TSBP1: variants seen among roughly 807,000 people sequenced by gnomAD.
The protein encoded by TSBP1 is testis-expressed basic protein 1.
Under a neutral mutation model 68.8 loss-of-function variants are expected in TSBP1, and 56 were observed. The observed-to-expected ratio is 0.81, with a 90% CI of 0.66 to 1.02. The LOEUF is 1.02. TSBP1 is among the 50% of genes least tolerant of loss of function. The pLI is 0.00. For synonymous variants in TSBP1, 171 were observed against 208.7 expected (o/e 0.82, Z 1.56); for missense variants, 502 against 641.2 (o/e 0.78, Z 2.34).
exon 23 of TSBP1, chr6:32,293,885 A>G (rs745928315): frequency 1.2e-6 from 2 of 1,612,934 alleles, no homozygotes. Context: ...CAAGGATTCT[A>G]CAGAATTCGT....
intron 20 of TSBP1, 107 bp from the exon 24 acceptor site, chr6:32,300,807 C>A: frequency 2.2e-6 from 2 of 908,264 alleles, no homozygotes; most frequent in Non-Finnish European, 3.6e-6. Context: ...AACTAAATTT[C>A]ATTTATTTAA....
intron 1 of TSBP1, among the ~76,000 whole-genome samples, chr6:32,370,855 A>AAC (rs138019081): frequency 0.34 from 50,635 of 150,152 alleles, 9,548 homozygotes; most frequent in Middle Eastern, 0.52. Flanking sequence ...AAAAAAAGAA[A>AAC]AGAGAGAGAG....
At chr6:32,322,596 G>T in intron 18 of TSBP1, 90 bp from the exon 20 acceptor site, 1 of 932,472 alleles carries the variant, frequency 1.1e-6, no homozygotes. Context: ...AGTCTGTGAG[G>T]GGAGGACTTG....
chr6:32,328,790 A>C (rs1768577830), intron 16 of TSBP1, among the ~76,000 whole-genome samples: 2 of 151,982 alleles, frequency 1.3e-5, no homozygotes, highest in Non-Finnish European at 2.9e-5. Context: ...TGACCTCGTG[A>C]TCCACCTGCC....
chr6:32,335,984 T>C lies in TSBP1; in HGVS notation c.431-52A>G, dbSNP rs1769621294. ...AAAAGATATCAGTATGCTTCACCAC[T>C]GTGAAGGAAATTTCCATTTCCCAAC... On this transcript the variant is annotated intron_variant, in intron 12 of 22. Coordinates refer to ENST00000612031, the Ensembl canonical transcript of TSBP1. This position sits in a 1 kb window ranked among gnomAD's most constrained non-coding sequence, Gnocchi z 5.5. The C allele has an allele frequency of 1.3e-6, 2 of 1,488,446 alleles. No individual in the cohort carries two copies. Among genetic ancestry groups the C allele is most frequent in the Non-Finnish European group, 1.9e-6 (2 of 1,073,718 alleles). 92.2% of individuals were successfully genotyped at this position (1,488,446 alleles called of 1,614,324 possible). A position where few individuals can be genotyped will look rare whatever the true frequency, so the allele number is the denominator to read the frequency against.
At position 32,300,716 on chromosome 6, in the gene TSBP1, G is replaced by C; in HGVS notation, c.602-16C>G. ...GAACTGTCCACTGAAAGAGATAAAGGCAAACACATCAGTAGGTACTGGGCA... is the reference window on the plus strand; with the variant it reads ...GAACTGTCCACTGAAAGAGATAAAGCCAAACACATCAGTAGGTACTGGGCA... On this transcript the variant is annotated splice_polypyrimidine_tract_variant and intron_variant, in intron 20 of 22. Coordinates refer to ENST00000612031, the Ensembl canonical transcript of TSBP1. 1 of 1,611,080 alleles carries C rather than the reference G, an allele frequency of 6.2e-7. No individual in the cohort carries two copies. Among genetic ancestry groups the C allele is most frequent in the Non-Finnish European group, 8.5e-7 (1 of 1,178,280 alleles).
rs1769569567 is a variant in TSBP1, at chr6:32,335,696, G to C, written c.451+216C>G. On this transcript the variant is annotated intron_variant, in intron 13 of 22. Transcript: ENST00000612031. The surrounding 1 kb of genome is among the most constrained non-coding windows in gnomAD (Gnocchi z 5.5). ...TGAGAAGCCATTGGAAATCTGCAAG[G>C]GTTCATTCTCCACTTTGTAGTTTGT... is the stretch of plus-strand genomic sequence containing the variant. Among the ~76,000 whole-genome samples the C allele has an allele frequency of 6.6e-6, 1 of 152,028 alleles. No homozygotes were observed. The highest frequency in any genetic ancestry group is 2.4e-5 in the African/African-American group (1 of 41,376).
rs6902224 is a variant in TSBP1, at chr6:32,343,436, A to C, written c.350-3798T>G. ...ATCCCATGTCTTTTCCCCCTTAGAC[A>C]CTATGCAGGAGTGAAAGTTTCAGGG... On this transcript the variant is annotated intron_variant, in intron 9 of 22. Coordinates refer to ENST00000612031, the Ensembl canonical transcript of TSBP1. This position sits in a 1 kb window ranked among gnomAD's most constrained non-coding sequence, Gnocchi z 4.3. Among the ~76,000 whole-genome samples the C allele has an allele frequency of 6.6e-6, 1 of 152,144 alleles. No individual in the cohort carries two copies.
chr6:32,301,101 TCACTGC>T (rs912658997), intron 20 of TSBP1, among the ~76,000 whole-genome samples: 2 of 152,112 alleles, frequency 1.3e-5, no homozygotes, highest in Non-Finnish European at 2.9e-5. Context: ...TGAACATGGC[TCACTGC>T]AGCTTCCACT....
rs1298249652 is a variant in TSBP1, at chr6:32,304,151, A to G, written c.581-1522T>C. On this transcript the variant is annotated intron_variant, in intron 19 of 22. Coordinates refer to ENST00000612031, the Ensembl canonical transcript of TSBP1. This position sits in a 1 kb window ranked among gnomAD's most constrained non-coding sequence, Gnocchi z 4.8. The stretch of plus-strand genomic sequence containing the variant: ...TAAAAGACAAAGACAGGAAGAAGAA[A>G]GAAAGAAAGGAAGGAAGAAGAAAGA... 2.6e-5 allele frequency among the ~76,000 whole-genome samples: 4 copies of G among 152,070 alleles called. No homozygotes were observed. Among genetic ancestry groups the G allele is most frequent in the Non-Finnish European group, 5.9e-5 (4 of 68,034 alleles).
At position 32,343,236 on chromosome 6, in the gene TSBP1, A is replaced by G; in HGVS notation, c.350-3598T>C. The G allele has an allele frequency of 7.1e-7, 1 of 1,405,872 alleles. No individual in the cohort carries two copies. The highest frequency in any genetic ancestry group is 9.3e-7 in the Non-Finnish European group (1 of 1,072,186). 87.1% of individuals were successfully genotyped at this position (1,405,872 alleles called of 1,614,324 possible). ...GAGTTTGAAACAAGAAGATAAACTT[A>G]CTCATGGATCCTTGAGGTAAAGCTA... is the stretch of plus-strand genomic sequence containing the variant. On this transcript the variant is annotated intron_variant, in intron 9 of 22. Coordinates refer to ENST00000612031, the Ensembl canonical transcript of TSBP1. This position sits in a 1 kb window ranked among gnomAD's most constrained non-coding sequence, Gnocchi z 4.3.
intron 20 of TSBP1, among the ~76,000 whole-genome samples, chr6:32,301,965 C>CATA (rs1222529623): frequency 1.3e-4 from 18 of 136,226 alleles, no homozygotes; most frequent in African/African-American, 4.7e-4. Flanking sequence ...TTGAAATCAT[C>CATA]ATCATAATAA....
At position 32,325,833 on chromosome 6, in the gene TSBP1, T is replaced by G; in HGVS notation, c.515-2219A>C. ...GTTCTGGAAACTTAGGTGGTGGTCATGGAGGTGGTTTCGGTGGGAATGACA... is the reference window on the plus strand; with the variant it reads ...GTTCTGGAAACTTAGGTGGTGGTCAGGGAGGTGGTTTCGGTGGGAATGACA... On this transcript the variant is annotated intron_variant, in intron 16 of 22. Transcript: ENST00000612031. The surrounding 1 kb of genome is among the most constrained non-coding windows in gnomAD (Gnocchi z 4.4). The G allele has an allele frequency of 7.5e-7, 1 of 1,325,658 alleles. No homozygotes were observed. The highest frequency in any genetic ancestry group is 2.3e-5 in the East Asian group (1 of 43,592). The allele number at this position is 1,325,658 out of a possible 1,614,324, so 82.1% of individuals were successfully genotyped here. A position where few individuals can be genotyped will look rare whatever the true frequency, so the allele number is the denominator to read the frequency against.
At chr6:32,342,787 GAGTGTAC>G (rs1770525457) in intron 9 of TSBP1, among the ~76,000 whole-genome samples, 2 of 152,184 alleles carry the variant, frequency 1.3e-5, no homozygotes, top group African/African-American at 4.8e-5. Flanking sequence ...CCTACAGTCA[GAGTGTAC>G]AGCATAATTT....
At chr6:32,367,212 G>A (rs1773840920) in intron 4 of TSBP1, among the ~76,000 whole-genome samples, 1 of 144,882 alleles carries the variant, frequency 6.9e-6, no homozygotes, top group Non-Finnish European at 1.5e-5. Flanking sequence ...CTGGAGATAG[G>A]ACTAGTCAGA....
chr6:32,355,043 T>C (rs1772132161), intron 8 of TSBP1, 81 bp downstream of exon 8: 1 of 1,265,114 alleles, frequency 7.9e-7, no homozygotes, highest in South Asian at 1.4e-5. Flanking sequence ...AAAAACTTTC[T>C]TAAAAGAGAA....
intron 22 of TSBP1, among the ~76,000 whole-genome samples, chr6:32,298,518 G>A (rs1026933177): frequency 1.9e-4 from 29 of 152,166 alleles, no homozygotes; most frequent in African/African-American, 6.8e-4. Flanking sequence ...GGCAGAGGTT[G>A]CAGTGAGGCA....
intron 9 of TSBP1, 191 bp downstream of exon 9, chr6:32,349,549 C>T: frequency 5.4e-6 from 3 of 559,446 alleles, no homozygotes; most frequent in East Asian, 2.9e-5. Context: ...CATAATAAAC[C>T]ACTAGAAACT....
chr6:32,328,923 TA>T (rs1768591364), intron 16 of TSBP1, among the ~76,000 whole-genome samples: 2 of 152,306 alleles, frequency 1.3e-5, no homozygotes. Flanking sequence ...GAGGTACAAG[TA>T]CAGATTTCTT....
Sources: allele counts gnomAD v4.1 joint callset (sites outside exome capture counted in the v4.1 genomes callset), GRCh38; gene constraint gnomAD v4.1.1; non-coding constraint Gnocchi (gnomAD v3.1); transcripts MANE v1.5; gene names NCBI Gene and HGNC (gene_info 2026-07-23, HGNC 2026-07-21).